Variants in PALM2AKAP2 observed in about 807,000 individuals in gnomAD.
The protein encoded by PALM2AKAP2 is PALM2-AKAP2 fusion protein.
PALM2AKAP2 carries 37 observed loss-of-function variants against 71.5 expected under a neutral mutation model. The ratio of observed to expected loss-of-function variants is 0.52; its 90% CI spans 0.40 to 0.68. PALM2AKAP2 has a LOEUF of 0.68. Among genes scored for constraint, PALM2AKAP2 ranks in the 30% least tolerant of loss-of-function variants. PALM2AKAP2 has a pLI of 0.00. For missense variants in PALM2AKAP2, 1,224 were observed against 1,191.8 expected, an observed-to-expected ratio of 1.03 and a Z score of -0.40; for synonymous variants, 468 against 478.8, an observed-to-expected ratio of 0.98 and a Z score of 0.29.
At chr9:109,949,971 A>C (rs1047560373) in intron 6 of PALM2AKAP2, among the ~76,000 whole-genome samples, 2 of 152,148 alleles carry the variant, frequency 1.3e-5, no homozygotes, top group African/African-American at 4.8e-5. Context: ...TCTACACATA[A>C]GCAGATAAAC....
Position 110,108,077 on chromosome 9 carries a change from A to ATTT in PALM2AKAP2, c.157-28040_157-28038dup, listed in dbSNP as rs34788989. ...GCATACATTAAGCTATTTTGCTGTT[A>ATTT]TTTTTTTTTTTTGCTTTGTGCCTTT... On this transcript the variant is annotated intron_variant, in intron 1 of 3. Transcript: ENST00000374525. 3.0e-3 allele frequency among the ~76,000 whole-genome samples: 368 copies of ATTT among 122,066 alleles called. 3 individuals carry two copies. The highest frequency in any genetic ancestry group is 0.01 in the African/African-American group (351 of 33,806). The allele number at this position is 122,066 out of a possible 152,430, so 80.1% of individuals were successfully genotyped here.
At chr9:109,855,347 A>G (rs1829135102) in intron 1 of PALM2AKAP2, among the ~76,000 whole-genome samples, 1 of 152,242 alleles carries the variant, frequency 6.6e-6, no homozygotes, top group Admixed American at 6.5e-5. Context: ...TACTGGGATT[A>G]CAGGCATGAG....
At chr9:110,140,006 T>G (rs1835987622) in intron 2 of PALM2AKAP2, among the ~76,000 whole-genome samples, 2 of 152,240 alleles carry the variant, frequency 1.3e-5, no homozygotes, top group African/African-American at 4.8e-5. Context: ...TTGATTATGA[T>G]CACTCCATTG....
At chr9:109,804,027 A>T (rs974248) in intron 1 of PALM2AKAP2, among the ~76,000 whole-genome samples, 65,314 of 152,034 alleles carry the variant, frequency 0.43, 16,701 homozygotes, top group African/African-American at 0.71. Flanking sequence ...GCTCCAGAGA[A>T]AGACAACTCC....
intron 7 of PALM2AKAP2, among the ~76,000 whole-genome samples, chr9:110,019,238 CAA>C (rs769230271): frequency 1.9e-4 from 9 of 47,940 alleles, no homozygotes; most frequent in Admixed American, 4.5e-4. Flanking sequence ...GACTCTGTCT[CAA>C]AAAAAAAAAA....
intron 6 of PALM2AKAP2, among the ~76,000 whole-genome samples, chr9:109,949,114 G>T (rs988631770): frequency 6.6e-6 from 1 of 152,230 alleles, no homozygotes; most frequent in African/African-American, 2.4e-5. Flanking sequence ...GTGGGCATAG[G>T]TTGGGATTTA....
chr9:109,850,630 G>T (rs927229930), intron 1 of PALM2AKAP2, among the ~76,000 whole-genome samples: 2 of 152,164 alleles, frequency 1.3e-5, no homozygotes, highest in African/African-American at 4.8e-5. Flanking sequence ...AGCTCTACTT[G>T]CCCTAAGTCA....
At chr9:110,044,331 T>A (rs973982798), upstream of PALM2AKAP2, among the ~76,000 whole-genome samples, 34 of 148,884 alleles carry the variant, frequency 2.3e-4, no homozygotes, top group African/African-American at 8.2e-4. Context: ...CTGCTTTTTC[T>A]TTTTCTTTCT....
chr9:110,090,991 G>A (rs1001968190), intron 1 of PALM2AKAP2, among the ~76,000 whole-genome samples: 1 of 150,816 alleles, frequency 6.6e-6, no homozygotes, highest in Non-Finnish European at 1.5e-5. Context: ...CCTTGAACAT[G>A]CTGACAACAT....
chr9:109,731,676 A>G (rs1828557678), intron 1 of PALM2AKAP2, among the ~76,000 whole-genome samples: 1 of 152,206 alleles, frequency 6.6e-6, no homozygotes, highest in Non-Finnish European at 1.5e-5. Context: ...AATAATTTAT[A>G]ATTTATAAGT....
chr9:109,736,042 G>T (rs1279037070), intron 1 of PALM2AKAP2, among the ~76,000 whole-genome samples: 1 of 152,132 alleles, frequency 6.6e-6, no homozygotes, highest in Non-Finnish European at 1.5e-5. Context: ...GCCTGCTTAT[G>T]GGCTTGGGGC....
intron 1 of PALM2AKAP2, among the ~76,000 whole-genome samples, chr9:109,658,379 C>A (rs1453715434): frequency 6.6e-6 from 1 of 151,816 alleles, no homozygotes; most frequent in East Asian, 1.9e-4. Context: ...ATCAATATAG[C>A]CAATTTTATA....
intron 1 of PALM2AKAP2, among the ~76,000 whole-genome samples, chr9:110,134,523 G>C (rs766565581): frequency 6.6e-6 from 1 of 152,166 alleles, no homozygotes; most frequent in Non-Finnish European, 1.5e-5. Flanking sequence ...GAAAGGAAAT[G>C]TGGAAAGTGA....
At chr9:109,766,251 C>T (rs897950470) in intron 1 of PALM2AKAP2, among the ~76,000 whole-genome samples, 8 of 152,112 alleles carry the variant, frequency 5.3e-5, no homozygotes, top group African/African-American at 1.9e-4. Flanking sequence ...TGACCCTGCC[C>T]AGTGGGAATA....
intron 1 of PALM2AKAP2, among the ~76,000 whole-genome samples, chr9:110,115,552 G>A (rs1312700205): frequency 2.0e-5 from 3 of 152,182 alleles, no homozygotes; most frequent in Admixed American, 1.3e-4. Flanking sequence ...AGTGGAGCAG[G>A]ACTCTCAGAC....
chr9:109,641,313 G>A (rs556031297), intron 1 of PALM2AKAP2, among the ~76,000 whole-genome samples: 1 of 152,360 alleles, frequency 6.6e-6, no homozygotes, highest in South Asian at 2.1e-4. Flanking sequence ...GCGTGTAATG[G>A]AAGGATGAGT....
chr9:109,731,338 C>A (rs1187375088), intron 1 of PALM2AKAP2, among the ~76,000 whole-genome samples: 1 of 152,152 alleles, frequency 6.6e-6, no homozygotes, highest in Non-Finnish European at 1.5e-5. Context: ...TGTCAAACTT[C>A]TTATAGTAGT....
intron 1 of PALM2AKAP2, among the ~76,000 whole-genome samples, chr9:109,865,851 G>A (rs555868630): frequency 2.2e-4 from 34 of 152,196 alleles, no homozygotes; most frequent in Non-Finnish European, 3.8e-4. Context: ...AGCTGGACCA[G>A]GAAGCCCTAG....
intron 1 of PALM2AKAP2, among the ~76,000 whole-genome samples, chr9:109,707,987 T>C (rs1328627959): frequency 1.3e-5 from 2 of 152,174 alleles, no homozygotes; most frequent in East Asian, 3.8e-4. Context: ...CATAAGATCT[T>C]CATGGCCCCT....
Sources: allele counts gnomAD v4.1 joint callset (sites outside exome capture counted in the v4.1 genomes callset), GRCh38; gene constraint gnomAD v4.1.1; transcripts MANE v1.5; gene names NCBI Gene and HGNC (gene_info 2026-07-23, HGNC 2026-07-21).